Variants in CARS2 observed in about 807,000 individuals in gnomAD.
The protein encoded by CARS2 is cysteinyl-tRNA synthetase 2, mitochondrial.
CARS2 carries 52 observed loss-of-function variants against 68.8 expected under a neutral mutation model. That is an observed-to-expected ratio of 0.76 (90% confidence interval 0.61 to 0.95). The LOEUF is 0.95. Ranked by LOEUF, CARS2 falls within the 40% of genes least tolerant of loss-of-function variation. The probability of loss-of-function intolerance (pLI) is 0.00; values close to 1 mark genes in which losing one functional copy is unlikely to be tolerated. For missense variants in CARS2, 780 were observed against 754.2 expected (o/e 1.03, Z -0.40); for synonymous variants, 314 against 303.6 (o/e 1.03, Z -0.36).
chr13:110,653,038 C>T lies in CARS2; in HGVS notation c.988-1938G>A, dbSNP rs1470080557. On this transcript the variant is annotated intron_variant, in intron 9 of 14. Coordinates refer to ENST00000257347, the MANE Select transcript of CARS2 (RefSeq NM_024537.4). The surrounding 1 kb of genome is among the most constrained non-coding windows in gnomAD (Gnocchi z 5.6). ...CAGACCCCACCCACGCTGAGCTAAC[C>T]GCTGAGTCAAGCAGAGCCCCCGCTC... is the stretch of plus-strand genomic sequence containing the variant. 2.6e-5 allele frequency among the ~76,000 whole-genome samples: 4 copies of T among 152,134 alleles called. No homozygotes were observed. The highest frequency in any genetic ancestry group is 2.1e-4 in the South Asian group (1 of 4,822).
intron 5 of CARS2, 88 bp downstream of exon 5, chr13:110,687,633 A>G: frequency 1.3e-6 from 1 of 777,070 alleles, no homozygotes; most frequent in Non-Finnish European, 2.1e-6. Flanking sequence ...GAGCTGAGAT[A>G]GCACCACTGC....
At chr13:110,679,915 T>C (rs2063108191) in intron 6 of CARS2, among the ~76,000 whole-genome samples, 1 of 152,104 alleles carries the variant, frequency 6.6e-6, no homozygotes, top group Non-Finnish European at 1.5e-5. Context: ...GCATGTGCAC[T>C]GAAGCCCACG....
intron 9 of CARS2, chr13:110,651,339 G>A (rs895007345): frequency 2.0e-6 from 1 of 495,078 alleles, no homozygotes; most frequent in Admixed American, 3.8e-5. Context: ...AAGCCGGTTT[G>A]CACTGAAAAT....
In CARS2 at chr13:110,664,772, G is replaced by A. The variant is rs762687320; in HGVS notation, c.920-1254C>T. 2.9e-4 allele frequency: 126 copies of A among 438,176 alleles called. 1 individual carries two copies. The highest frequency in any genetic ancestry group is 3.6e-4 in the Non-Finnish European group (118 of 329,776). 27.1% of individuals were successfully genotyped at this position (438,176 alleles called of 1,614,324 possible). A position where few individuals can be genotyped will look rare whatever the true frequency, so the allele number is the denominator to read the frequency against. On this transcript the variant is annotated intron_variant, in intron 8 of 14. Coordinates refer to ENST00000257347, the MANE Select transcript of CARS2 (RefSeq NM_024537.4). Reference sequence around the variant, plus strand: ...GGCAGGGCCTGTGGGAGGTGATGAGGTCACAGGGGCAGAGCCAGTGTGAAT... The same window carrying A: ...GGCAGGGCCTGTGGGAGGTGATGAGATCACAGGGGCAGAGCCAGTGTGAAT...
At chr13:110,645,807 T>C (rs1888029852) in intron 12 of CARS2, 160 bp downstream of exon 12, 3 of 955,436 alleles carry the variant, frequency 3.1e-6, no homozygotes, top group East Asian at 2.7e-5. Flanking sequence ...TGCCATCCCG[T>C]GTGTCAGCGG....
Position 110,683,073 on chromosome 13 carries a change from G to A in CARS2, c.633C>T (p.Val211=), listed in dbSNP as rs769981233. 11 of 1,602,394 alleles carry A rather than the reference G, an allele frequency of 6.9e-6. No individual in the cohort carries two copies. The highest frequency in any genetic ancestry group is 2.0e-4 in the Middle Eastern group (1 of 4,910). ...CACCTGGCTCTCCGACTGGACCAGGGACCACGCCGACCAATTTGCCATACT... is the reference window on the plus strand; with the variant it reads ...CACCTGGCTCTCCGACTGGACCAGGAACCACGCCGACCAATTTGCCATACT... ...GDKYGKLVGV[V]PGPVGEPADS... Residue 211 remains valine (V), a synonymous_variant, in exon 6 of 15, where the codon GTC becomes GTT. Transcript: ENST00000257347.
At chr13:110,654,952 G>A (rs74128606) in intron 9 of CARS2, among the ~76,000 whole-genome samples, 1,468 of 76,698 alleles carry the variant, frequency 0.019, 58 homozygotes, top group African/African-American at 0.091. Context: ...GAAAAAAAAA[G>A]AAAAAGAAAA....
intron 8 of CARS2, chr13:110,666,792 G>C: frequency 1.0e-6 from 1 of 985,352 alleles, no homozygotes; most frequent in South Asian, 4.7e-5. Flanking sequence ...ATCCCCAAAA[G>C]GTAATAAGAC....
chr13:110,646,710 C>T (rs756841884), intron 11 of CARS2: 6 of 187,652 alleles, frequency 3.2e-5, no homozygotes, highest in Non-Finnish European at 5.5e-5. Flanking sequence ...ACAGGGAACC[C>T]GAGCCCAAAG....
chr13:110,643,811 TAAGG>T (rs1401404488), intron 13 of CARS2: 2 of 207,416 alleles, frequency 9.6e-6, no homozygotes, highest in Admixed American at 5.3e-5. Flanking sequence ...GTGAGCCTGA[TAAGG>T]AAGAGGACAT....
intron 2 of CARS2, among the ~76,000 whole-genome samples, chr13:110,703,557 C>T (rs1025069743): frequency 6.6e-6 from 1 of 152,250 alleles, no homozygotes; most frequent in African/African-American, 2.4e-5. Flanking sequence ...CAAATTTAAA[C>T]TGCAAGACTT....
At chr13:110,700,542 T>C (rs944560009) in intron 3 of CARS2, among the ~76,000 whole-genome samples, 5 of 152,262 alleles carry the variant, frequency 3.3e-5, no homozygotes, top group African/African-American at 1.2e-4. Context: ...CCAGGGTGGC[T>C]GCAGGAGATC....
intron 9 of CARS2, among the ~76,000 whole-genome samples, chr13:110,655,502 G>C (rs1317445491): frequency 2.0e-5 from 3 of 152,180 alleles, no homozygotes; most frequent in Non-Finnish European, 4.4e-5. Context: ...GATTAATCAA[G>C]CAAGCGCAAA....
chr13:110,647,304 A>G, intron 10 of CARS2, 65 bp from the exon 11 acceptor site: 1 of 1,563,106 alleles, frequency 6.4e-7, no homozygotes, highest in Admixed American at 1.8e-5. Flanking sequence ...CTGGTCCAGC[A>G]GAATCAGTGT....
At chr13:110,644,579 C>T in intron 12 of CARS2, 96 bp from the exon 13 acceptor site, 14 of 1,554,440 alleles carry the variant, frequency 9.0e-6, no homozygotes, top group Non-Finnish European at 1.2e-5. Context: ...TTCAGCAGGT[C>T]ACTTCAGTCT....
chr13:110,702,033 A>T (rs1448673127), intron 2 of CARS2, among the ~76,000 whole-genome samples: 1 of 152,252 alleles, frequency 6.6e-6, no homozygotes, highest in Non-Finnish European at 1.5e-5. Flanking sequence ...TAGAATATTT[A>T]AAAATGCCAG....
upstream of CARS2, chr13:110,707,363 T>C (rs1594441922): frequency 6.6e-6 from 1 of 152,294 alleles, no homozygotes; most frequent in African/African-American, 2.4e-5. Flanking sequence ...GTGCCTCTAT[T>C]GGGCCAGGCG....
At chr13:110,683,888 G>A (rs1230149770) in intron 5 of CARS2, among the ~76,000 whole-genome samples, 2 of 152,202 alleles carry the variant, frequency 1.3e-5, no homozygotes, top group Non-Finnish European at 2.9e-5. Context: ...TCTGCATATT[G>A]AAGTGTCTGT....
chr13:110,648,049 T>C, intron 10 of CARS2, among the ~76,000 whole-genome samples: 1 of 152,200 alleles, frequency 6.6e-6, no homozygotes. Context: ...CATCTCAACA[T>C]GCCTCCAAGT....
Sources: allele counts gnomAD v4.1 joint callset (sites outside exome capture counted in the v4.1 genomes callset), GRCh38; gene constraint gnomAD v4.1.1; non-coding constraint Gnocchi (gnomAD v3.1); transcripts MANE v1.5; gene names NCBI Gene and HGNC (gene_info 2026-07-23, HGNC 2026-07-21).